The following CACNA2D3 variants were observed in gnomAD, a reference collection of about 807,000 sequenced individuals.
CACNA2D3 encodes voltage-dependent calcium channel subunit alpha-2/delta-3.
A neutral mutation model predicts 160.6 loss-of-function variants in CACNA2D3; 60 were observed. The ratio of observed to expected loss-of-function variants is 0.37; its 90% CI spans 0.30 to 0.46. The LOEUF is 0.46. CACNA2D3 is among the 20% of genes least tolerant of loss of function. The pLI, the probability that CACNA2D3 is intolerant of heterozygous loss-of-function variation, is 1.00. For synonymous variants in CACNA2D3, 558 were observed against 492.9 expected (o/e 1.13, Z -1.75); for missense variants, 1,205 against 1,365.0 (o/e 0.88, Z 1.85).
intron 35 of CACNA2D3, among the ~76,000 whole-genome samples, chr3:55,051,916 T>A (rs1242978055): frequency 6.6e-6 from 1 of 152,200 alleles, no homozygotes; most frequent in African/African-American, 2.4e-5. Flanking sequence ...GGGAACTCCC[T>A]GACCCCTTGC....
chr3:54,568,728 G>A (rs1257528897), intron 6 of CACNA2D3, among the ~76,000 whole-genome samples: 10 of 152,138 alleles, frequency 6.6e-5, no homozygotes, highest in African/African-American at 2.2e-4. Flanking sequence ...TTCTTATGGA[G>A]AGTGTTTTTA....
rs145789435 is a variant in CACNA2D3 at position 54,749,227 on chromosome 3, C to T, written c.1168-3372C>T. 5.7e-3 allele frequency among the ~76,000 whole-genome samples: 870 copies of T among 152,296 alleles called. 15 individuals are homozygous for T. Among genetic ancestry groups the T allele is most frequent in the African/African-American group, 0.02 (828 of 41,562 alleles). ...AGAATTTTGTGCTACACAAAACCCA[C>T]AACTTGCTTTTTACCTTTACCAGTA... is the stretch of plus-strand genomic sequence containing the variant. On this transcript the variant is annotated intron_variant, in intron 11 of 37. Coordinates refer to ENST00000474759, the MANE Select transcript of CACNA2D3 (RefSeq NM_018398.3).
intron 3 of CACNA2D3, among the ~76,000 whole-genome samples, chr3:54,327,689 A>G (rs1179518038): frequency 6.6e-6 from 1 of 152,250 alleles, no homozygotes; most frequent in African/African-American, 2.4e-5. Context: ...CAGAAAATGA[A>G]AAAGGGGAAA....
chr3:54,502,461 A>G (rs1469449759), intron 4 of CACNA2D3, among the ~76,000 whole-genome samples: 2 of 152,206 alleles, frequency 1.3e-5, no homozygotes, highest in Non-Finnish European at 2.9e-5. Flanking sequence ...GATTTCTAGC[A>G]TTTCACATTG....
At chr3:54,184,959 G>A (rs1700855467) in intron 2 of CACNA2D3, among the ~76,000 whole-genome samples, 1 of 152,216 alleles carries the variant, frequency 6.6e-6, no homozygotes, top group Non-Finnish European at 1.5e-5. Context: ...GCCCTTACGG[G>A]AGGATTCATT....
intron 10 of CACNA2D3, among the ~76,000 whole-genome samples, chr3:54,628,111 A>G (rs1484218574): frequency 6.6e-6 from 1 of 152,212 alleles, no homozygotes; most frequent in Non-Finnish European, 1.5e-5. Flanking sequence ...GGGTGCCTGT[A>G]GTCCCAGCTA....
At chr3:54,541,848 G>C (rs1341698775) in intron 5 of CACNA2D3, among the ~76,000 whole-genome samples, 1 of 152,020 alleles carries the variant, frequency 6.6e-6, no homozygotes, top group African/African-American at 2.4e-5. Context: ...GTAGATTTAG[G>C]TGATGGTTTC....
intron 2 of CACNA2D3, among the ~76,000 whole-genome samples, chr3:54,298,518 G>A (rs540047679): frequency 6.6e-6 from 1 of 152,230 alleles, no homozygotes; most frequent in Non-Finnish European, 1.5e-5. Flanking sequence ...GAAGGAGTAG[G>A]CCGGGCGCAG....
chr3:54,534,309 T>C, intron 5 of CACNA2D3, among the ~76,000 whole-genome samples: 1 of 152,190 alleles, frequency 6.6e-6, no homozygotes, highest in Non-Finnish European at 1.5e-5. Flanking sequence ...AATAATTGTG[T>C]GTAGTTCAAG....
intron 11 of CACNA2D3, among the ~76,000 whole-genome samples, chr3:54,676,629 C>G (rs1475323614): frequency 6.6e-6 from 1 of 152,098 alleles, no homozygotes; most frequent in African/African-American, 2.4e-5. Context: ...AATTGCCCTT[C>G]CCATAGGCTG....
chr3:54,821,657 T>G (rs893681037), intron 14 of CACNA2D3, among the ~76,000 whole-genome samples: 26 of 79,780 alleles, frequency 3.3e-4, no homozygotes, highest in East Asian at 1.5e-3. Flanking sequence ...TCTTTCTTTC[T>G]TTCTTTCTTT....
intron 11 of CACNA2D3, among the ~76,000 whole-genome samples, chr3:54,667,796 A>G (rs1049569014): frequency 2.0e-5 from 3 of 151,994 alleles, no homozygotes; most frequent in African/African-American, 7.2e-5. Context: ...AATTTTTTTT[A>G]AAAAGCCAGG....
intron 13 of CACNA2D3, among the ~76,000 whole-genome samples, chr3:54,810,714 G>A (rs750749569): frequency 3.9e-5 from 6 of 152,144 alleles, no homozygotes; most frequent in Non-Finnish European, 8.8e-5. Context: ...TTGATCAATA[G>A]ATCTTTAATT....
intron 2 of CACNA2D3, among the ~76,000 whole-genome samples, chr3:54,194,559 C>T (rs1214563556): frequency 6.6e-6 from 1 of 152,116 alleles, no homozygotes; most frequent in African/African-American, 2.4e-5. Flanking sequence ...GTGGATGGGG[C>T]CTGTCTTAGT....
chr3:54,885,373 C>T, intron 22 of CACNA2D3, 47 bp downstream of exon 22: 1 of 1,606,954 alleles, frequency 6.2e-7, no homozygotes, highest in South Asian at 1.1e-5. Context: ...CTTCATTGCC[C>T]TCTTTGATTC....
intron 4 of CACNA2D3, among the ~76,000 whole-genome samples, chr3:54,394,961 C>A (rs200763931): frequency 3.8e-4 from 1 of 2,610 alleles, no homozygotes; most frequent in African/African-American, 2.4e-3. Context: ...TTCTCCACAT[C>A]CTCTCCAGCA....
chr3:54,360,490 G>T (rs927273098), intron 3 of CACNA2D3, among the ~76,000 whole-genome samples: 4 of 152,154 alleles, frequency 2.6e-5, no homozygotes, highest in African/African-American at 9.7e-5. Flanking sequence ...GGTAGGCTCT[G>T]TTATCCCTCT....
chr3:54,389,273 C>T (rs988123879), intron 4 of CACNA2D3, among the ~76,000 whole-genome samples: 2 of 146,410 alleles, frequency 1.4e-5, no homozygotes, highest in African/African-American at 5.1e-5. Flanking sequence ...CCAGCCTGGG[C>T]AACAAAGAGC....
intron 3 of CACNA2D3, among the ~76,000 whole-genome samples, chr3:54,354,533 C>G (rs1020318287): frequency 2.6e-5 from 4 of 152,146 alleles, no homozygotes; most frequent in Non-Finnish European, 5.9e-5. Context: ...CATCCAAGGG[C>G]CCCTCCTGAG....
Sources: allele counts gnomAD v4.1 joint callset (sites outside exome capture counted in the v4.1 genomes callset), GRCh38; gene constraint gnomAD v4.1.1; transcripts MANE v1.5; gene names NCBI Gene and HGNC (gene_info 2026-07-23, HGNC 2026-07-21).